The following MARK1 variants were observed in gnomAD, a reference collection of about 807,000 sequenced individuals.
MARK1 encodes the protein microtubule affinity regulating kinase 1, also known as serine/threonine-protein kinase MARK1.
MARK1 carries 40 observed loss-of-function variants against 96.3 expected under a neutral mutation model. The ratio of observed to expected loss-of-function variants is 0.42; its 90% CI spans 0.32 to 0.54. The LOEUF is 0.54. Among genes scored for constraint, MARK1 ranks in the 20% least tolerant of loss-of-function variants. The pLI is 0.16. For missense variants in MARK1, 719 were observed against 984.6 expected, an observed-to-expected ratio of 0.73 and a Z score of 3.61; for synonymous variants, 317 against 341.2, an observed-to-expected ratio of 0.93 and a Z score of 0.78.
intron 2 of MARK1, 83 bp downstream of exon 2, chr1:220,579,640 G>A: frequency 1.8e-6 from 2 of 1,106,560 alleles, no homozygotes; most frequent in East Asian, 2.5e-5. Context: ...ATGTTTGGGA[G>A]TAAAATGACA....
chr1:220,617,494 T>G (rs1284574806), intron 7 of MARK1, among the ~76,000 whole-genome samples: 2 of 152,190 alleles, frequency 1.3e-5, no homozygotes, highest in African/African-American at 4.8e-5. Context: ...CCTATTACTT[T>G]GTTAGTCTAT....
At chr1:220,530,995 G>T (rs546224278) in intron 1 of MARK1, among the ~76,000 whole-genome samples, 8 of 152,292 alleles carry the variant, frequency 5.3e-5, no homozygotes, top group Admixed American at 5.2e-4. Flanking sequence ...TTAAGATAAA[G>T]TCTCTCCCTG....
chr1:220,560,549 T>C (rs1662598587), intron 1 of MARK1, among the ~76,000 whole-genome samples: 1 of 152,160 alleles, frequency 6.6e-6, no homozygotes, highest in African/African-American at 2.4e-5. Flanking sequence ...ATAGAGTTAC[T>C]CAAACATAAA....
chr1:220,561,569 A>G (rs912093268), intron 1 of MARK1, among the ~76,000 whole-genome samples: 4 of 152,222 alleles, frequency 2.6e-5, no homozygotes, highest in African/African-American at 9.6e-5. Flanking sequence ...GGTCAAACAG[A>G]GTTTGATAAT....
intron 1 of MARK1, among the ~76,000 whole-genome samples, chr1:220,559,192 A>G (rs1180650949): frequency 6.6e-6 from 1 of 152,226 alleles, no homozygotes; most frequent in Non-Finnish European, 1.5e-5. Flanking sequence ...GTGCATGTCA[A>G]CATTTGGTGC....
intron 1 of MARK1, chr1:220,572,166 G>A (rs1572101799): frequency 1.3e-5 from 2 of 152,198 alleles, no homozygotes; most frequent in East Asian, 3.9e-4. Context: ...AGAACTATGT[G>A]CTTTAAGAAA....
At chr1:220,652,222 G>A in intron 15 of MARK1, 72 bp downstream of exon 15, 1 of 1,252,070 alleles carries the variant, frequency 8.0e-7, no homozygotes, top group Non-Finnish European at 1.1e-6. Context: ...GAAAATACAT[G>A]ATAGTCACCA....
chr1:220,641,030 G>T (rs1015234386), intron 13 of MARK1, among the ~76,000 whole-genome samples: 2 of 152,174 alleles, frequency 1.3e-5, no homozygotes, highest in African/African-American at 4.8e-5. Flanking sequence ...TTATATGTGG[G>T]AGTTCAGGGA....
At chr1:220,624,999 G>C (rs1457769850) in intron 9 of MARK1, among the ~76,000 whole-genome samples, 2 of 152,120 alleles carry the variant, frequency 1.3e-5, no homozygotes, top group African/African-American at 4.8e-5. Flanking sequence ...TCAGTCCTCT[G>C]TTCTCTTTCC....
Position 220,600,015 on chromosome 1 carries a change from G to A in MARK1, c.424+152G>A, listed in dbSNP as rs758805172. ...AATTACATCTTAAGGAAAATTCAGT[G>A]TTTACTTTTAAGACCTTTCGATCTT... On this transcript the variant is annotated intron_variant, in intron 5 of 17. Coordinates refer to ENST00000366917, the MANE Select transcript of MARK1 (RefSeq NM_018650.5). 1.0e-5 allele frequency: 5 copies of A among 480,662 alleles called. No homozygotes were observed. In the Admixed American group the frequency reaches 1.9e-4, roughly 18 times the overall value. 29.8% of individuals were successfully genotyped at this position (480,662 alleles called of 1,614,324 possible).
chr1:220,565,570 C>T (rs1457884599), intron 1 of MARK1, among the ~76,000 whole-genome samples: 1 of 138,696 alleles, frequency 7.2e-6, no homozygotes, highest in Non-Finnish European at 1.5e-5. Context: ...GAGCGGGGGT[C>T]GGGGGGAGGG....
chr1:220,657,543 GA>G (rs371549214), intron 16 of MARK1, among the ~76,000 whole-genome samples: 2,186 of 151,546 alleles, frequency 0.014, 28 homozygotes, highest in Middle Eastern at 0.044. Flanking sequence ...GGAAGATTAT[GA>G]AAAAAAAATT....
intron 1 of MARK1, chr1:220,576,811 A>G (rs1446457905): frequency 1.3e-5 from 2 of 152,208 alleles, no homozygotes; most frequent in Non-Finnish European, 2.9e-5. Flanking sequence ...AGTCAACGGT[A>G]AACACAGACC....
intron 13 of MARK1, among the ~76,000 whole-genome samples, chr1:220,648,873 T>C (rs1668718528): frequency 6.6e-6 from 1 of 152,210 alleles, no homozygotes; most frequent in Non-Finnish European, 1.5e-5. Flanking sequence ...TTTCTAAGAT[T>C]TGTCCTCTAG....
At chr1:220,545,889 C>T (rs561683362) in intron 1 of MARK1, among the ~76,000 whole-genome samples, 1 of 152,268 alleles carries the variant, frequency 6.6e-6, no homozygotes, top group African/African-American at 2.4e-5. Context: ...TAGGCCTTGA[C>T]CTTGGCCCTC....
chr1:220,661,665 A>C (rs1355398530), intron 17 of MARK1, 147 bp from the exon 18 acceptor site: 6 of 593,600 alleles, frequency 1.0e-5, no homozygotes, highest in Admixed American at 3.1e-5. Context: ...AGATAACATA[A>C]ATCTTTGCGT....
intron 6 of MARK1, among the ~76,000 whole-genome samples, chr1:220,605,148 T>C (rs1376604100): frequency 2.6e-5 from 4 of 152,324 alleles, no homozygotes; most frequent in Admixed American, 2.0e-4. Flanking sequence ...GTTTAACTTG[T>C]TGTAACATGG....
chr1:220,547,572 C>CT (rs954677860), intron 1 of MARK1, among the ~76,000 whole-genome samples: 47 of 148,944 alleles, frequency 3.2e-4, no homozygotes, highest in African/African-American at 7.4e-4. Flanking sequence ...CTGTGATTTT[C>CT]TTTTTTTTTT....
chr1:220,590,440 A>G (rs77714842), intron 3 of MARK1, among the ~76,000 whole-genome samples: 1 of 152,250 alleles, frequency 6.6e-6, no homozygotes, highest in Admixed American at 6.5e-5. Context: ...TGACTAGTTC[A>G]TCCCTGACAT....
Sources: gnomAD v4.1 joint callset for allele counts (sites outside exome capture counted in the v4.1 genomes callset) on GRCh38, gnomAD v4.1.1 for gene constraint, MANE v1.5 for transcripts, NCBI Gene and HGNC (gene_info 2026-07-23, HGNC 2026-07-21) for gene names.